The following TAFA2 variants were observed in gnomAD, a reference collection of about 807,000 sequenced individuals.
TAFA2 encodes the protein TAFA chemokine like family member 2.
TAFA2 carries 7 observed loss-of-function variants against 18.8 expected under a neutral mutation model. The ratio of observed to expected loss-of-function variants is 0.37; its 90% CI spans 0.21 to 0.70. The LOEUF is 0.70. Among genes scored for constraint, TAFA2 ranks in the 30% least tolerant of loss-of-function variants. The pLI is 0.53. For missense variants in TAFA2, 122 were observed against 158.1 expected, an observed-to-expected ratio of 0.77 and a Z score of 1.23; for synonymous variants, 60 against 54.2, an observed-to-expected ratio of 1.11 and a Z score of -0.47.
chr12:62,053,445 T>C (rs1882107791), intron 1 of TAFA2, among the ~76,000 whole-genome samples: 1 of 152,176 alleles, frequency 6.6e-6, no homozygotes, highest in African/African-American at 2.4e-5. Flanking sequence ...AGAGAGTATG[T>C]AAAATTGTTA....
At chr12:61,858,813 C>T (rs541460566) in intron 2 of TAFA2, among the ~76,000 whole-genome samples, 2 of 152,240 alleles carry the variant, frequency 1.3e-5, no homozygotes, top group African/African-American at 4.8e-5. Flanking sequence ...GTGATGTCCA[C>T]AGCAGCATTG....
rs896809125 is a variant in TAFA2, at chr12:62,111,829, C to T, written c.-2+79430G>A. ...CAACCCCTACTTTTTCTTTTGCTTT[C>T]TATTTGCTTGGTAAATAATCCTCCA... On this transcript the variant is annotated intron_variant, in intron 1 of 4. Coordinates refer to ENST00000416284, the MANE Select transcript of TAFA2 (RefSeq NM_178539.5). Among the ~76,000 whole-genome samples, 5 of 152,070 alleles carry T rather than the reference C, an allele frequency of 3.3e-5. No individual in the cohort carries two copies. The East Asian group carries it at 9.6e-4, about 29-fold the overall frequency.
At chr12:61,921,843 G>A (rs889110154) in intron 1 of TAFA2, among the ~76,000 whole-genome samples, 4 of 152,170 alleles carry the variant, frequency 2.6e-5, no homozygotes, top group Non-Finnish European at 4.4e-5. Flanking sequence ...ATTAAGATGT[G>A]AGGGAAAAGA....
chr12:62,200,094 A>C (rs1206446733), intron 1 of TAFA2, among the ~76,000 whole-genome samples: 1 of 151,828 alleles, frequency 6.6e-6, no homozygotes, highest in Non-Finnish European at 1.5e-5. Flanking sequence ...CCCACTTTTT[A>C]ATAGGGTTGT....
chr12:61,857,268 A>G (rs1873923526), intron 2 of TAFA2, among the ~76,000 whole-genome samples: 1 of 152,154 alleles, frequency 6.6e-6, no homozygotes, highest in Non-Finnish European at 1.5e-5. Flanking sequence ...AGAAACGAAA[A>G]TACTTCAAAA....
At chr12:61,732,261 TGTGGTG>T (rs1870486384) in intron 4 of TAFA2, among the ~76,000 whole-genome samples, 1 of 152,108 alleles carries the variant, frequency 6.6e-6, no homozygotes, top group Non-Finnish European at 1.5e-5. Context: ...AAAAGGGTGG[TGTGGTG>T]TCAGTGAAAT....
At chr12:61,806,955 T>C (rs1370866180) in intron 2 of TAFA2, among the ~76,000 whole-genome samples, 1 of 152,156 alleles carries the variant, frequency 6.6e-6, no homozygotes, top group African/African-American at 2.4e-5. Context: ...GCATAAAAGT[T>C]TGCAAAATTT....
intron 4 of TAFA2, among the ~76,000 whole-genome samples, chr12:61,711,776 T>C (rs139041066): frequency 4.0e-4 from 61 of 152,068 alleles, no homozygotes; most frequent in African/African-American, 1.4e-3. Flanking sequence ...ATATTTGAAG[T>C]GTTTTACTCC....
chr12:62,137,561 C>T (rs1348281845), intron 1 of TAFA2, among the ~76,000 whole-genome samples: 1 of 152,104 alleles, frequency 6.6e-6, no homozygotes, highest in Non-Finnish European at 1.5e-5. Context: ...ATGGCATGGT[C>T]ATCCACTGTG....
At chr12:62,094,907 T>C (rs915707575) in intron 1 of TAFA2, among the ~76,000 whole-genome samples, 8 of 152,044 alleles carry the variant, frequency 5.3e-5, no homozygotes, top group Non-Finnish European at 1.0e-4. Context: ...AAATATATAT[T>C]ACAAAGATAA....
intron 1 of TAFA2, among the ~76,000 whole-genome samples, chr12:62,091,992 C>T (rs139857135): frequency 5.9e-4 from 90 of 152,046 alleles, no homozygotes; most frequent in African/African-American, 2.1e-3. Context: ...ACCATTTGAA[C>T]ATTTAAAATT....
chr12:61,796,829 T>G (rs1229012283), intron 2 of TAFA2, among the ~76,000 whole-genome samples: 1 of 152,160 alleles, frequency 6.6e-6, no homozygotes, highest in Non-Finnish European at 1.5e-5. Flanking sequence ...AGCATCCTTG[T>G]GTTCCTAGAT....
chr12:61,847,340 G>A (rs1364028842), intron 2 of TAFA2, among the ~76,000 whole-genome samples: 1 of 151,940 alleles, frequency 6.6e-6, no homozygotes, highest in Non-Finnish European at 1.5e-5. Context: ...ATAGTCTCTT[G>A]GTACTTAAGT....
intron 4 of TAFA2, among the ~76,000 whole-genome samples, chr12:61,724,359 C>G (rs1352435595): frequency 6.6e-6 from 1 of 151,454 alleles, no homozygotes; most frequent in Non-Finnish European, 1.5e-5. Flanking sequence ...CTCTCCCTCT[C>G]CCTCTCCTCT....
At chr12:62,021,086 G>A (rs1326256496) in intron 1 of TAFA2, among the ~76,000 whole-genome samples, 6 of 151,998 alleles carry the variant, frequency 3.9e-5, no homozygotes, top group Non-Finnish European at 8.8e-5. Flanking sequence ...AACAGAAAAA[G>A]GTTGCTAATT....
At chr12:61,982,442 A>T (rs1250360829) in intron 1 of TAFA2, among the ~76,000 whole-genome samples, 1 of 152,170 alleles carries the variant, frequency 6.6e-6, no homozygotes. Context: ...GTATAATTAA[A>T]AAAAAGAAAA....
intron 1 of TAFA2, among the ~76,000 whole-genome samples, chr12:61,955,217 A>T (rs1180095437): frequency 2.0e-5 from 3 of 152,132 alleles, no homozygotes; most frequent in Non-Finnish European, 4.4e-5. Flanking sequence ...TTTGGGGCAC[A>T]CATAATGTTA....
chr12:62,016,839 A>G (rs1286032960), intron 1 of TAFA2, among the ~76,000 whole-genome samples: 1 of 152,192 alleles, frequency 6.6e-6, no homozygotes, highest in Non-Finnish European at 1.5e-5. Context: ...CAAAAGAAAA[A>G]GTCTCATCCT....
intron 4 of TAFA2, among the ~76,000 whole-genome samples, chr12:61,741,984 C>A (rs34645926): frequency 3.3e-5 from 5 of 152,086 alleles, no homozygotes; most frequent in Non-Finnish European, 7.4e-5. Flanking sequence ...GTAGCCTCCA[C>A]CTCCTGGGTT....
Sources: gnomAD v4.1 joint callset for allele counts (sites outside exome capture counted in the v4.1 genomes callset) on GRCh38, gnomAD v4.1.1 for gene constraint, MANE v1.5 for transcripts, NCBI Gene and HGNC (gene_info 2026-07-23, HGNC 2026-07-21) for gene names.